ERICH6B: variants seen among roughly 807,000 people sequenced by gnomAD.
ERICH6B encodes glutamate rich 6B, also known as glutamate-rich protein 6B.
In ERICH6B, 69 loss-of-function variants were observed where a neutral mutation model predicts 80.0. The ratio of observed to expected loss-of-function variants is 0.86; its 90% CI spans 0.71 to 1.05. The LOEUF (loss-of-function observed/expected upper bound fraction) is 1.05, where lower values mean the gene tolerates loss of function less well. Among genes scored for constraint, ERICH6B ranks in the 50% least tolerant of loss-of-function variants. The probability of loss-of-function intolerance (pLI) is 0.00; values close to 1 mark genes in which losing one functional copy is unlikely to be tolerated. For synonymous variants in ERICH6B, 283 were observed against 291.9 expected (o/e 0.97, Z 0.31); for missense variants, 754 against 796.1 (o/e 0.95, Z 0.64).
At chr13:45,600,116 C>G (rs1444622186) in intron 2 of ERICH6B, among the ~76,000 whole-genome samples, 1 of 152,196 alleles carries the variant, frequency 6.6e-6, no homozygotes, top group Non-Finnish European at 1.5e-5. Context: ...GCAGACGCCT[C>G]TTCCATTGTA....
chr13:45,573,578 T>C (rs1469533486), intron 8 of ERICH6B, among the ~76,000 whole-genome samples: 7 of 152,142 alleles, frequency 4.6e-5, no homozygotes, highest in Admixed American at 2.6e-4. Flanking sequence ...TAAAAACAAG[T>C]CTAATGGTGT....
intron 11 of ERICH6B, 109 bp from the exon 12 acceptor site, chr13:45,550,425 G>A (rs1874175239): frequency 2.4e-6 from 2 of 820,772 alleles, no homozygotes; most frequent in Non-Finnish European, 3.9e-6. Flanking sequence ...GATGCCACGT[G>A]CTACCTCATC....
intron 13 of ERICH6B, among the ~76,000 whole-genome samples, chr13:45,546,558 T>C (rs1873998956): frequency 6.6e-6 from 1 of 152,196 alleles, no homozygotes; most frequent in Non-Finnish European, 1.5e-5. Context: ...CCCTACACAT[T>C]CCTTCCAGGG....
At chr13:45,560,590 C>G (rs1345957824) in intron 11 of ERICH6B, among the ~76,000 whole-genome samples, 1 of 152,160 alleles carries the variant, frequency 6.6e-6, no homozygotes, top group East Asian at 1.9e-4. Context: ...GTTTAACTGC[C>G]CTAAAACTCC....
intron 3 of ERICH6B, among the ~76,000 whole-genome samples, chr13:45,593,845 C>A (rs1164377770): frequency 2.0e-5 from 3 of 152,234 alleles, no homozygotes; most frequent in African/African-American, 7.2e-5. Flanking sequence ...TTTTCCACTA[C>A]TAACCTCAAG....
At chr13:45,591,980 G>A (rs542544003) in intron 3 of ERICH6B, among the ~76,000 whole-genome samples, 76 of 152,252 alleles carry the variant, frequency 5.0e-4, no homozygotes, top group African/African-American at 1.8e-3. Context: ...CAGAAACAAA[G>A]CATGAAAGGA....
At chr13:45,566,971 G>A (rs1324679285) in intron 9 of ERICH6B, among the ~76,000 whole-genome samples, 2 of 152,270 alleles carry the variant, frequency 1.3e-5, no homozygotes, top group Non-Finnish European at 2.9e-5. Flanking sequence ...CAGGGGCAGA[G>A]CTGCCCAAGA....
intron 1 of ERICH6B, among the ~76,000 whole-genome samples, chr13:45,611,702 C>G (rs1249331853): frequency 6.6e-6 from 1 of 152,194 alleles, no homozygotes; most frequent in Non-Finnish European, 1.5e-5. Context: ...AGGTGGCTCC[C>G]CAGTGATGAC....
intron 12 of ERICH6B, 57 bp from the exon 13 acceptor site, chr13:45,550,102 G>C: frequency 1.9e-6 from 3 of 1,544,848 alleles, no homozygotes; most frequent in Non-Finnish European, 2.6e-6. Context: ...GAAAAGGTAG[G>C]GCCCTGCAGA....
At chr13:45,549,750 C>T in intron 13 of ERICH6B, 143 bp downstream of exon 13, 1 of 893,330 alleles carries the variant, frequency 1.1e-6, no homozygotes, top group Admixed American at 2.9e-5. Flanking sequence ...ACCTCATGGA[C>T]TGGTCCATCA....
At chr13:45,582,590 T>C (rs1016160604) in intron 5 of ERICH6B, among the ~76,000 whole-genome samples, 15 of 152,134 alleles carry the variant, frequency 9.9e-5, no homozygotes, top group African/African-American at 3.1e-4. Flanking sequence ...ATATAAATAT[T>C]CCTTCTAAAT....
At chr13:45,570,621 T>C (rs1477217212) in intron 8 of ERICH6B, among the ~76,000 whole-genome samples, 1 of 152,214 alleles carries the variant, frequency 6.6e-6, no homozygotes, top group African/African-American at 2.4e-5. Flanking sequence ...CTTAAACAAG[T>C]CTTGCAGCCG....
intron 9 of ERICH6B, among the ~76,000 whole-genome samples, chr13:45,565,817 A>C (rs970299159): frequency 4.6e-5 from 7 of 152,198 alleles, no homozygotes; most frequent in Non-Finnish European, 1.0e-4. Context: ...AATTTGTACC[A>C]GTAGAGTGGG....
intron 1 of ERICH6B, among the ~76,000 whole-genome samples, chr13:45,609,229 G>A (rs1432089453): frequency 6.6e-6 from 1 of 152,134 alleles, no homozygotes; most frequent in Non-Finnish European, 1.5e-5. Context: ...AAGCCCTCCT[G>A]GGCCGACCCA....
chr13:45,596,786 G>T lies in ERICH6B; in HGVS notation c.220C>A (p.Leu74Met). 6.4e-7 allele frequency: 1 copy of T among 1,551,632 alleles called. No individual in the cohort carries two copies. The highest frequency in any genetic ancestry group is 1.2e-5 in the South Asian group (1 of 84,054). ...TCCTTCAAGTATTCTTCTTTCCCCA[G>T]ATACTCTTCCTCTTCCAGATCCTCT... The part of the protein sequence containing the change: ...EEEDLEEEEY[L>M]GKEEYLKEEE... Residue 74 changes from leucine (L) to methionine (M), a missense_variant, in exon 3 of 15, where the codon CTG (leucine) becomes ATG (methionine). Leu to Met is a conservative substitution (Grantham distance 15). Transcript: ENST00000298738.
At chr13:45,572,963 G>A (rs184408515) in intron 8 of ERICH6B, among the ~76,000 whole-genome samples, 1 of 151,590 alleles carries the variant, frequency 6.6e-6, no homozygotes, top group Non-Finnish European at 1.5e-5. Context: ...AGGATATGAT[G>A]GAGGAGGCAT....
intron 5 of ERICH6B, among the ~76,000 whole-genome samples, chr13:45,584,214 G>A (rs1249826930): frequency 6.6e-6 from 1 of 152,188 alleles, no homozygotes; most frequent in African/African-American, 2.4e-5. Flanking sequence ...CTTGGTTTAT[G>A]ATCCTGCTCT....
chr13:45,542,054 A>G (rs1873802227), intron 14 of ERICH6B, among the ~76,000 whole-genome samples: 1 of 152,114 alleles, frequency 6.6e-6, no homozygotes. Flanking sequence ...GGGATGCCTC[A>G]CAGTGGCTAC....
chr13:45,606,529 ATATATATATATATATATATTT>A (rs1949864180), intron 2 of ERICH6B, among the ~76,000 whole-genome samples: 2 of 23,108 alleles, frequency 8.7e-5, no homozygotes, highest in Non-Finnish European at 1.7e-4. Flanking sequence ...ATATATATAT[ATATATATATATATATATATTT>A]TTTTTTTTTT....
Sources: allele counts gnomAD v4.1 joint callset (sites outside exome capture counted in the v4.1 genomes callset), GRCh38; gene constraint gnomAD v4.1.1; transcripts MANE v1.5; gene names NCBI Gene and HGNC (gene_info 2026-07-23, HGNC 2026-07-21).